Variants in NAV2 observed in about 807,000 individuals in gnomAD.
NAV2 encodes neuron navigator 2.
A neutral mutation model predicts 223.2 loss-of-function variants in NAV2; 54 were observed. That is an observed-to-expected ratio of 0.24 (90% CI 0.19 to 0.30). NAV2 has a LOEUF of 0.30. Ranked by LOEUF, NAV2 falls within the 10% of genes least tolerant of loss-of-function variation. The pLI is 1.00. For synonymous variants in NAV2, 1,279 were observed against 1,239.3 expected, an observed-to-expected ratio of 1.03 and a Z score of -0.67; for missense variants, 2,806 against 3,147.5, an observed-to-expected ratio of 0.89 and a Z score of 2.60.
intron 1 of NAV2, among the ~76,000 whole-genome samples, chr11:19,616,870 G>T (rs1209901541): frequency 6.6e-6 from 1 of 152,048 alleles, no homozygotes; most frequent in East Asian, 1.9e-4. Context: ...AGAGCATGAG[G>T]CTTTGGTGTC....
chr11:19,926,262 A>G (rs1218565014), intron 6 of NAV2, among the ~76,000 whole-genome samples: 1 of 152,232 alleles, frequency 6.6e-6, no homozygotes, highest in Non-Finnish European at 1.5e-5. Context: ...TAGACACAAT[A>G]AGCTCCTTGA....
At chr11:20,020,108 TCTTCA>T (rs1332937498) in intron 11 of NAV2, among the ~76,000 whole-genome samples, 1 of 152,210 alleles carries the variant, frequency 6.6e-6, no homozygotes, top group African/African-American at 2.4e-5. Context: ...GAACGAAGTG[TCTTCA>T]CTAGCATTGT....
intron 1 of NAV2, among the ~76,000 whole-genome samples, chr11:19,461,592 G>A (rs907099626): frequency 6.6e-6 from 1 of 152,162 alleles, no homozygotes; most frequent in Non-Finnish European, 1.5e-5. Context: ...TATTTTACAA[G>A]CATCTCTTCT....
intron 11 of NAV2, among the ~76,000 whole-genome samples, chr11:20,024,905 C>A (rs576180577): frequency 1.2e-4 from 19 of 152,330 alleles, no homozygotes; most frequent in Admixed American, 1.2e-3. Context: ...CCCCCATCCC[C>A]TTTCCTTTAA....
At chr11:19,455,891 G>T (rs1564950044) in intron 1 of NAV2, among the ~76,000 whole-genome samples, 1 of 152,180 alleles carries the variant, frequency 6.6e-6, no homozygotes, top group Non-Finnish European at 1.5e-5. Flanking sequence ...GATATTTGGG[G>T]GCCTGCCCGG....
At chr11:19,880,387 T>C (rs368738972) in intron 5 of NAV2, among the ~76,000 whole-genome samples, 127 of 152,334 alleles carry the variant, frequency 8.3e-4, no homozygotes, top group African/African-American at 3.0e-3. Context: ...TACTCCGGCC[T>C]ATTACACACA....
At chr11:19,439,893 G>A (rs763538274) in intron 1 of NAV2, among the ~76,000 whole-genome samples, 14 of 152,142 alleles carry the variant, frequency 9.2e-5, no homozygotes, top group Non-Finnish European at 1.9e-4. Flanking sequence ...CAGGGCTGCA[G>A]GTATAGCCAA....
At chr11:19,349,278 A>G (rs766228560), upstream of NAV2, among the ~76,000 whole-genome samples, 2 of 152,182 alleles carry the variant, frequency 1.3e-5, no homozygotes, top group African/African-American at 2.4e-5. Context: ...GTACCTGTGA[A>G]GTCACATCCC....
chr11:19,977,142 G>A (rs2049834015), intron 10 of NAV2, among the ~76,000 whole-genome samples: 1 of 152,214 alleles, frequency 6.6e-6, no homozygotes, highest in Non-Finnish European at 1.5e-5. Flanking sequence ...GTTGTTGGAA[G>A]CATTCCCCCA....
intron 1 of NAV2, among the ~76,000 whole-genome samples, chr11:19,665,094 C>T (rs2048375208): frequency 6.6e-6 from 1 of 152,158 alleles, no homozygotes; most frequent in South Asian, 2.1e-4. Context: ...GAGAGGCAGT[C>T]CCAGGTTTGA....
intron 1 of NAV2, among the ~76,000 whole-genome samples, chr11:19,524,243 A>C (rs1397497516): frequency 6.6e-6 from 1 of 152,206 alleles, no homozygotes; most frequent in Non-Finnish European, 1.5e-5. Flanking sequence ...ACCTAGCTGA[A>C]AAATTCTGCA....
intron 25 of NAV2, among the ~76,000 whole-genome samples, chr11:20,081,405 T>G (rs1480702506): frequency 6.6e-6 from 1 of 152,236 alleles, no homozygotes; most frequent in Admixed American, 6.5e-5. Context: ...TCCATTTTCT[T>G]CAAGAAATAA....
chr11:20,082,743 A>G (rs2060169091), intron 25 of NAV2: 1 of 951,596 alleles, frequency 1.1e-6, no homozygotes, highest in Non-Finnish European at 1.7e-6. Flanking sequence ...CTGCTGAGCC[A>G]GACTCTGTGT....
intron 1 of NAV2, among the ~76,000 whole-genome samples, chr11:19,378,460 G>A (rs546564221): frequency 2.2e-4 from 33 of 152,236 alleles, no homozygotes; most frequent in Non-Finnish European, 3.7e-4. Flanking sequence ...GAGGTGGTGC[G>A]GGGTGCACGC....
intron 1 of NAV2, among the ~76,000 whole-genome samples, chr11:19,589,383 T>C (rs2045990738): frequency 6.6e-6 from 1 of 152,152 alleles, no homozygotes; most frequent in Non-Finnish European, 1.5e-5. Context: ...CAATCAGTGG[T>C]TACAATTCGG....
intron 1 of NAV2, among the ~76,000 whole-genome samples, chr11:19,663,732 C>A (rs908225681): frequency 2.0e-5 from 3 of 152,232 alleles, no homozygotes; most frequent in Non-Finnish European, 4.4e-5. Context: ...CAATTCAAGT[C>A]TCCCCAGCCC....
At chr11:19,756,704 A>G (rs1186987435) in intron 1 of NAV2, among the ~76,000 whole-genome samples, 1 of 152,214 alleles carries the variant, frequency 6.6e-6, no homozygotes, top group Non-Finnish European at 1.5e-5. Context: ...ACTAATCAGT[A>G]TGCCGCGTGA....
intron 1 of NAV2, among the ~76,000 whole-genome samples, chr11:19,604,353 C>A (rs997719788): frequency 6.6e-6 from 1 of 151,832 alleles, no homozygotes; most frequent in Admixed American, 6.6e-5. Context: ...AATATATGCT[C>A]AAATTAGAGT....
At chr11:19,512,100 ACT>A (rs997509119) in intron 1 of NAV2, among the ~76,000 whole-genome samples, 5 of 151,900 alleles carry the variant, frequency 3.3e-5, no homozygotes, top group East Asian at 1.9e-4. Flanking sequence ...AAACAGATAA[ACT>A]CTCTGTTTCC....
Sources: gnomAD v4.1 joint callset for allele counts (sites outside exome capture counted in the v4.1 genomes callset) on GRCh38, gnomAD v4.1.1 for gene constraint, MANE v1.5 for transcripts, NCBI Gene and HGNC (gene_info 2026-07-23, HGNC 2026-07-21) for gene names.